The following THSD7A variants were observed in gnomAD, a reference collection of about 807,000 sequenced individuals.
THSD7A encodes thrombospondin type-1 domain-containing protein 7A.
THSD7A carries 96 observed loss-of-function variants against 231.3 expected under a neutral mutation model. The ratio of observed to expected loss-of-function variants is 0.41; its 90% CI spans 0.35 to 0.49. The LOEUF (loss-of-function observed/expected upper bound fraction) is 0.49. Among genes scored for constraint, THSD7A ranks in the 20% least tolerant of loss-of-function variants. THSD7A has a pLI of 0.05. For missense variants in THSD7A, 2,290 were observed against 2,070.2 expected (o/e 1.11, Z -2.06); for synonymous variants, 940 against 743.3 (o/e 1.26, Z -4.30).
intron 6 of THSD7A, among the ~76,000 whole-genome samples, chr7:11,483,048 C>T (rs925344999): frequency 2.6e-5 from 4 of 152,086 alleles, no homozygotes; most frequent in Non-Finnish European, 5.9e-5. Context: ...TATTTTGGCA[C>T]AGAATATAAT....
At chr7:11,556,028 C>T (rs1264745766) in intron 4 of THSD7A, among the ~76,000 whole-genome samples, 1 of 151,686 alleles carries the variant, frequency 6.6e-6, no homozygotes, top group Admixed American at 6.6e-5. Context: ...CTTAAATCTG[C>T]TCTACCAATC....
At chr7:11,402,194 G>T (rs1026183153) in intron 22 of THSD7A, among the ~76,000 whole-genome samples, 1 of 152,174 alleles carries the variant, frequency 6.6e-6, no homozygotes, top group African/African-American at 2.4e-5. Flanking sequence ...GTTGCTTAAT[G>T]ATATCAAAGG....
chr7:11,449,732 C>T (rs1429182226), intron 11 of THSD7A, among the ~76,000 whole-genome samples: 1 of 152,028 alleles, frequency 6.6e-6, no homozygotes, highest in Non-Finnish European at 1.5e-5. Flanking sequence ...GTTCTTTCTA[C>T]ACCTGCCATT....
chr7:11,566,574 A>G (rs1472129305), intron 4 of THSD7A, among the ~76,000 whole-genome samples: 3 of 152,204 alleles, frequency 2.0e-5, no homozygotes, highest in African/African-American at 7.2e-5. Context: ...TGCCATGTAC[A>G]TTCCAGAACA....
At chr7:11,730,621 C>A (rs1781696836) in intron 1 of THSD7A, among the ~76,000 whole-genome samples, 1 of 151,478 alleles carries the variant, frequency 6.6e-6, no homozygotes, top group Admixed American at 6.6e-5. Context: ...CTCTCTTCAC[C>A]CAAACATTTT....
At chr7:11,748,962 A>T (rs1298397717) in intron 1 of THSD7A, among the ~76,000 whole-genome samples, 6 of 151,968 alleles carry the variant, frequency 3.9e-5, no homozygotes, top group African/African-American at 1.4e-4. Flanking sequence ...TATACAGACA[A>T]TTCCAGCTGA....
chr7:11,759,680 CT>C, intron 1 of THSD7A, among the ~76,000 whole-genome samples: 1 of 152,022 alleles, frequency 6.6e-6, no homozygotes, highest in East Asian at 1.9e-4. Context: ...CTAATCACAC[CT>C]AGAGAGCAGA....
At chr7:11,807,264 A>AG (rs1784422715) in intron 1 of THSD7A, among the ~76,000 whole-genome samples, 1 of 152,130 alleles carries the variant, frequency 6.6e-6, no homozygotes, top group Admixed American at 6.6e-5. Context: ...AAAACCTGTG[A>AG]GGGACTGGGT....
chr7:11,627,813 A>G (rs1205401663), intron 2 of THSD7A, among the ~76,000 whole-genome samples: 2 of 152,172 alleles, frequency 1.3e-5, no homozygotes, highest in Non-Finnish European at 2.9e-5. Context: ...TAGTTGCTCT[A>G]TCATTTTGAA....
At chr7:11,493,948 C>T (rs904747030) in intron 6 of THSD7A, among the ~76,000 whole-genome samples, 1 of 151,878 alleles carries the variant, frequency 6.6e-6, no homozygotes, top group Non-Finnish European at 1.5e-5. Flanking sequence ...ACAATTACTG[C>T]TCTGAAGAAA....
chr7:11,745,192 A>G (rs1782246584), intron 1 of THSD7A, among the ~76,000 whole-genome samples: 1 of 152,068 alleles, frequency 6.6e-6, no homozygotes, highest in African/African-American at 2.4e-5. Context: ...TCTGATGGCC[A>G]GTGATGATGA....
intron 1 of THSD7A, among the ~76,000 whole-genome samples, chr7:11,794,575 C>T (rs1421629571): frequency 2.0e-5 from 3 of 152,012 alleles, no homozygotes; most frequent in East Asian, 1.9e-4. Flanking sequence ...TAATCCACAG[C>T]GTGAAGCAGA....
intron 6 of THSD7A, among the ~76,000 whole-genome samples, chr7:11,519,603 G>A (rs2128315776): frequency 6.6e-6 from 1 of 152,246 alleles, no homozygotes; most frequent in African/African-American, 2.4e-5. Flanking sequence ...GTGTAGAGGT[G>A]TATCATTTTG....
chr7:11,411,825 C>A lies in THSD7A; in HGVS notation c.3683-503G>T, dbSNP rs1486890592. Among the ~76,000 whole-genome samples the A allele has an allele frequency of 6.6e-6, 1 of 151,908 alleles. No individual in the cohort carries two copies. The highest frequency in any genetic ancestry group is 2.1e-4 in the South Asian group (1 of 4,820). ...AAAAATCACTTTGGCCATATTTATT[C>A]ATTCTCTTATGTCTTTCGTAAGAAG... is the stretch of plus-strand genomic sequence containing the variant. On this transcript the variant is annotated intron_variant, in intron 18 of 27. Coordinates refer to ENST00000423059, the MANE Select transcript of THSD7A (RefSeq NM_015204.3). This position sits in a 1 kb window ranked among gnomAD's most constrained non-coding sequence, Gnocchi z 4.1.
chr7:11,551,692 A>G (rs934705370), intron 4 of THSD7A, among the ~76,000 whole-genome samples: 6 of 152,156 alleles, frequency 3.9e-5, no homozygotes, highest in African/African-American at 1.4e-4. Context: ...AAGTCAAAAA[A>G]TAACAGAAGC....
In THSD7A at chr7:11,632,403, T is replaced by A. The variant is rs994725386; in HGVS notation, c.1022+3727A>T. Among the ~76,000 whole-genome samples, 6 of 152,200 alleles carry A rather than the reference T, an allele frequency of 3.9e-5. No homozygotes were observed. Among genetic ancestry groups the A allele is most frequent in the African/African-American group, 1.4e-4 (6 of 41,460 alleles). On this transcript the variant is annotated intron_variant, in intron 2 of 27. Coordinates refer to ENST00000423059, the MANE Select transcript of THSD7A (RefSeq NM_015204.3). The surrounding 1 kb of genome is among the most constrained non-coding windows in gnomAD (Gnocchi z 4.1). ...ATTATAATATTTAATTTTTTAAGCA[T>A]CTAGGGAATATATTGATTTTTGGAT...
chr7:11,613,830 T>C (rs1781017096), intron 2 of THSD7A, among the ~76,000 whole-genome samples: 3 of 152,226 alleles, frequency 2.0e-5, no homozygotes, highest in African/African-American at 7.2e-5. Context: ...ACAATTATTT[T>C]GCTTATGGAT....
chr7:11,515,339 G>A (rs943332724), intron 6 of THSD7A, among the ~76,000 whole-genome samples: 1 of 152,076 alleles, frequency 6.6e-6, no homozygotes, highest in Admixed American at 6.6e-5. Flanking sequence ...AGATGATGAT[G>A]GTGAATTTAT....
intron 13 of THSD7A, among the ~76,000 whole-genome samples, chr7:11,432,729 G>A (rs1464940330): frequency 1.3e-5 from 2 of 151,902 alleles, no homozygotes; most frequent in Non-Finnish European, 2.9e-5. Flanking sequence ...TGGGCATTTA[G>A]GTAGTTTTCA....
Sources: gnomAD v4.1 joint callset for allele counts (sites outside exome capture counted in the v4.1 genomes callset) on GRCh38, gnomAD v4.1.1 for gene constraint, Gnocchi (gnomAD v3.1) non-coding constraint, MANE v1.5 for transcripts, NCBI Gene and HGNC (gene_info 2026-07-23, HGNC 2026-07-21) for gene names.